Variants in PSD3 observed in about 807,000 individuals in gnomAD.
The protein encoded by PSD3 is PH and SEC7 domain-containing protein 3.
In PSD3, 49 loss-of-function variants were observed where a neutral mutation model predicts 105.5. That is an observed-to-expected ratio of 0.46 (90% CI 0.37 to 0.59). The LOEUF (loss-of-function observed/expected upper bound fraction) is 0.59. Among genes scored for constraint, PSD3 ranks in the 20% least tolerant of loss-of-function variants. The pLI, the probability that PSD3 is intolerant of heterozygous loss-of-function variation, is 0.00. For synonymous variants in PSD3, 557 were observed against 457.8 expected (o/e 1.22, Z -2.77); for missense variants, 1,561 against 1,263.8 (o/e 1.24, Z -3.57).
At chr8:18,562,051 C>T (rs1801422119) in intron 14 of PSD3, among the ~76,000 whole-genome samples, 1 of 152,100 alleles carries the variant, frequency 6.6e-6, no homozygotes, top group Non-Finnish European at 1.5e-5. Context: ...CAGATGGCTC[C>T]AAGAGGGAAA....
chr8:18,866,151 T>C (rs552803136), intron 4 of PSD3, among the ~76,000 whole-genome samples: 10 of 152,326 alleles, frequency 6.6e-5, no homozygotes, highest in African/African-American at 2.4e-4. Flanking sequence ...AGTGCAATTA[T>C]CTGCATACCT....
intron 4 of PSD3, among the ~76,000 whole-genome samples, chr8:18,806,307 G>C (rs964848196): frequency 9.2e-5 from 14 of 152,166 alleles, no homozygotes; most frequent in Admixed American, 3.9e-4. Flanking sequence ...ATAATAATTA[G>C]TGTAAAACAA....
At chr8:19,062,911 A>G (rs2129477632) in intron 1 of PSD3, among the ~76,000 whole-genome samples, 1 of 152,336 alleles carries the variant, frequency 6.6e-6, no homozygotes, top group Admixed American at 6.5e-5. Context: ...AAGAAAAGAA[A>G]ACTCAGGGCC....
intron 4 of PSD3, among the ~76,000 whole-genome samples, chr8:18,825,729 T>C (rs767138749): frequency 6.6e-6 from 1 of 152,202 alleles, no homozygotes; most frequent in Non-Finnish European, 1.5e-5. Context: ...GAAAATCTGA[T>C]CTCTTCCCTA....
At chr8:18,808,661 T>C (rs2129448102) in intron 4 of PSD3, 4 of 1,525,082 alleles carry the variant, frequency 2.6e-6, no homozygotes, top group East Asian at 2.3e-5. Context: ...CTTCATTCTG[T>C]CCATTTCACA....
At chr8:19,044,880 A>G (rs1828257116) in intron 1 of PSD3, among the ~76,000 whole-genome samples, 3 of 152,162 alleles carry the variant, frequency 2.0e-5, no homozygotes, top group Middle Eastern at 3.2e-3. Flanking sequence ...TGGAGATGAG[A>G]CTTTTAAGAA....
chr8:19,050,228 G>C (rs950874892), intron 1 of PSD3, among the ~76,000 whole-genome samples: 2 of 152,148 alleles, frequency 1.3e-5, no homozygotes, highest in African/African-American at 4.8e-5. Context: ...TTGGAAGTGT[G>C]CCAGAATGTC....
chr8:18,807,322 C>T (rs1457503021), intron 4 of PSD3, among the ~76,000 whole-genome samples: 1 of 152,188 alleles, frequency 6.6e-6, no homozygotes, highest in Non-Finnish European at 1.5e-5. Context: ...CCTCAACCAC[C>T]ACAGGATTAG....
At chr8:18,714,476 T>G (rs1422345694) in intron 9 of PSD3, among the ~76,000 whole-genome samples, 1 of 146,328 alleles carries the variant, frequency 6.8e-6, no homozygotes, top group Non-Finnish European at 1.5e-5. Flanking sequence ...GCAAAGGACA[T>G]GAACAGATAC....
At chr8:18,713,829 C>T (rs190335528) in intron 9 of PSD3, among the ~76,000 whole-genome samples, 1 of 152,068 alleles carries the variant, frequency 6.6e-6, no homozygotes, top group Admixed American at 6.6e-5. Context: ...CCAAGACAAT[C>T]CTAAGCAAAA....
intron 14 of PSD3, 40 bp downstream of exon 14, chr8:18,572,488 G>C (rs774421564): frequency 1.9e-6 from 3 of 1,592,998 alleles, no homozygotes; most frequent in Non-Finnish European, 2.6e-6. Flanking sequence ...ATTTTACAAA[G>C]TACTTTTTCC....
chr8:18,613,103 T>C (rs17596751), intron 11 of PSD3, among the ~76,000 whole-genome samples: 28,598 of 151,926 alleles, frequency 0.19, 2,798 homozygotes, highest in Middle Eastern at 0.24. Flanking sequence ...TCTCACTACA[T>C]CATTTTTTTC....
chr8:18,676,086 T>C (rs1261386897), intron 9 of PSD3, among the ~76,000 whole-genome samples: 1 of 152,166 alleles, frequency 6.6e-6, no homozygotes, highest in Non-Finnish European at 1.5e-5. Flanking sequence ...CAAATATATA[T>C]ATATTTTTTT....
intron 14 of PSD3, among the ~76,000 whole-genome samples, chr8:18,569,354 C>G (rs1036358837): frequency 1.9e-4 from 28 of 144,478 alleles, no homozygotes; most frequent in African/African-American, 6.9e-4. Context: ...TTCTCCACAT[C>G]CTCTCCAGCA....
chr8:18,778,164 G>A (rs1266590815), intron 8 of PSD3, among the ~76,000 whole-genome samples: 1 of 152,134 alleles, frequency 6.6e-6, no homozygotes, highest in African/African-American at 2.4e-5. Context: ...TAGTAGTGGG[G>A]TTGCTGGATC....
At chr8:18,911,021 C>A (rs1036370655) in intron 2 of PSD3, among the ~76,000 whole-genome samples, 1 of 151,926 alleles carries the variant, frequency 6.6e-6, no homozygotes, top group Admixed American at 6.6e-5. Context: ...GGTGGAAGGA[C>A]TGCATTAGCC....
chr8:18,778,796 G>A (rs1260599950), intron 8 of PSD3, among the ~76,000 whole-genome samples: 3 of 151,684 alleles, frequency 2.0e-5, no homozygotes, highest in African/African-American at 7.3e-5. Context: ...TACCATCCCT[G>A]GAATAAAACC....
intron 1 of PSD3, among the ~76,000 whole-genome samples, chr8:19,020,947 C>T (rs1448316627): frequency 1.3e-5 from 2 of 152,116 alleles, no homozygotes; most frequent in African/African-American, 4.8e-5. Flanking sequence ...CAACATTCAG[C>T]AGAGGAGTGC....
intron 8 of PSD3, among the ~76,000 whole-genome samples, chr8:18,796,171 C>T (rs895345814): frequency 5.6e-5 from 4 of 71,606 alleles, no homozygotes; most frequent in African/African-American, 1.2e-4. Context: ...GAATTCTCCC[C>T]CCAAATATTG....
Sources: allele counts gnomAD v4.1 joint callset (sites outside exome capture counted in the v4.1 genomes callset), GRCh38; gene constraint gnomAD v4.1.1; transcripts MANE v1.5; gene names NCBI Gene and HGNC (gene_info 2026-07-23, HGNC 2026-07-21).